The following MSL1 variants were observed in gnomAD, a reference collection of about 807,000 sequenced individuals.
MSL1 encodes the protein MSL complex subunit 1.
MSL1 carries 21 observed loss-of-function variants against 64.6 expected under a neutral mutation model. That is an observed-to-expected ratio of 0.33 (90% confidence interval 0.23 to 0.47). The LOEUF is 0.47. Ranked by LOEUF, MSL1 falls within the 20% of genes least tolerant of loss-of-function variation. MSL1 has a pLI of 1.00. For synonymous variants in MSL1, 339 were observed against 329.6 expected, an observed-to-expected ratio of 1.03 and a Z score of -0.31; for missense variants, 664 against 793.2, an observed-to-expected ratio of 0.84 and a Z score of 1.96.
In MSL1 at chr17:40,122,417, C is replaced by T. The variant is rs1333500025; in HGVS notation, c.-196C>T. ...CCATGGGCCGGCGGCGGGCCTCAGCCGCGGCCTCCACGTCTCCGCACGCCG... is the reference window on the plus strand; with the variant it reads ...CCATGGGCCGGCGGCGGGCCTCAGCTGCGGCCTCCACGTCTCCGCACGCCG... On this transcript the variant is annotated 5_prime_UTR_variant, in exon 1 of 9. Coordinates refer to ENST00000398532, the MANE Select transcript of MSL1 (RefSeq NM_001365919.1). The surrounding 1 kb of genome is among the most constrained non-coding windows in gnomAD (Gnocchi z 4.2). 5.4e-6 allele frequency: 2 copies of T among 369,726 alleles called. No homozygotes were observed. Among genetic ancestry groups the T allele is most frequent in the Non-Finnish European group, 9.6e-6 (2 of 209,322 alleles). 22.9% of individuals were successfully genotyped at this position (369,726 alleles called of 1,614,324 possible).
In MSL1 at chr17:40,122,643, G is replaced by A; in HGVS notation, c.31G>A (p.Ala11Thr). Residue 11 changes from alanine to threonine, a missense_variant, in exon 1 of 9, where the codon GCC (alanine) becomes ACC (threonine). Physicochemically the swap from Ala to Thr is moderately conservative, Grantham distance 58. This residue lies in a region of MSL1 where 466 missense variants were observed against 499.0 expected (regional missense o/e 0.93). Coordinates refer to ENST00000398532, the MANE Select transcript of MSL1 (RefSeq NM_001365919.1). The surrounding 1 kb of genome is among the most constrained non-coding windows in gnomAD (Gnocchi z 4.2). ...CATGAGATCCGCGGTGTTCAAGGCG[G>A]CCGCGGCCCCTGCCGGCGGCAATCC... Reference protein sequence around the residue: MTMRSAVFKAAAAPAGGNPEQ... With the variant: MTMRSAVFKATAAPAGGNPEQ... 1.3e-6 allele frequency: 2 copies of A among 1,490,898 alleles called. No homozygotes were observed. Among genetic ancestry groups the A allele is most frequent in the East Asian group, 2.9e-5 (1 of 34,630 alleles). The allele number at this position is 1,490,898 out of a possible 1,614,324, so 92.4% of individuals were successfully genotyped here.
intron 1 of MSL1, among the ~76,000 whole-genome samples, chr17:40,125,781 CAAAACA>C (rs1052221286): frequency 5.9e-5 from 9 of 152,106 alleles, no homozygotes; most frequent in South Asian, 2.1e-4. Context: ...AACTCCGTCT[CAAAACA>C]AAAACAAAAA....
In MSL1 at chr17:40,122,056, G is replaced by C. The variant is rs1038993848; in HGVS notation, c.-557G>C. 1.3e-5 allele frequency among the ~76,000 whole-genome samples: 2 copies of C among 151,628 alleles called. No individual in the cohort carries two copies. Among genetic ancestry groups the C allele is most frequent in the Admixed American group, 1.3e-4 (2 of 15,274 alleles). On this transcript the variant is annotated 5_prime_UTR_variant, in exon 1 of 9. Coordinates refer to ENST00000398532, the MANE Select transcript of MSL1 (RefSeq NM_001365919.1). This position sits in a 1 kb window ranked among gnomAD's most constrained non-coding sequence, Gnocchi z 4.2. ...AAAGGGAAACGCTGAGGCGCCGGGG[G>C]TGACTGTGGGGGAGGGGGACCCCGA... is the stretch of plus-strand genomic sequence containing the variant.
rs377003511 is a variant in MSL1, at chr17:40,131,623, G to T, written c.1423+39G>T. 65 of 1,585,768 alleles carry T rather than the reference G, an allele frequency of 4.1e-5. No homozygotes were observed. Among genetic ancestry groups the T allele is most frequent in the Admixed American group, 1.5e-4 (9 of 59,944 alleles). ...GAATTGTGCTGGCTGGGCCTGGGGTGGGGGTTGGTGGGATGGTGGATGGTT... is the reference window on the plus strand; with the variant it reads ...GAATTGTGCTGGCTGGGCCTGGGGTTGGGGTTGGTGGGATGGTGGATGGTT... On this transcript the variant is annotated intron_variant, in intron 4 of 8. Transcript: ENST00000398532. The surrounding 1 kb of genome is among the most constrained non-coding windows in gnomAD (Gnocchi z 4.5).
intron 2 of MSL1, among the ~76,000 whole-genome samples, chr17:40,127,383 C>CAT (rs1988344455): frequency 6.7e-6 from 1 of 150,136 alleles, no homozygotes; most frequent in South Asian, 2.1e-4. Context: ...TCCTTGGACT[C>CAT]AAAGAAATTA....
rs1988504284 is a variant in MSL1 at position 40,134,539 on chromosome 17, C to G, written c.*170C>G. 1.6e-6 allele frequency: 1 copy of G among 613,666 alleles called. No individual in the cohort carries two copies. The highest frequency in any genetic ancestry group is 2.8e-5 in the East Asian group (1 of 35,568). 38.0% of individuals were successfully genotyped at this position (613,666 alleles called of 1,614,324 possible). ...TACTCTGATTTCACAAAAACTCTTT[C>G]ATTCGGCTAATTGTGAGTTATGGAG... On this transcript the variant is annotated 3_prime_UTR_variant, in exon 9 of 9. Coordinates refer to ENST00000398532, the MANE Select transcript of MSL1 (RefSeq NM_001365919.1).
Position 40,122,346 on chromosome 17 carries a change from T to TGAGGCG in MSL1, c.-266_-261dup, listed in dbSNP as rs1988193841. The TGAGGCG allele has an allele frequency of 9.7e-6, 2 of 206,126 alleles. No individual in the cohort carries two copies. Among genetic ancestry groups the TGAGGCG allele is most frequent in the Admixed American group, 6.0e-5 (1 of 16,662 alleles). The allele number at this position is 206,126 out of a possible 1,614,324, so 12.8% of individuals were successfully genotyped here. A position where few individuals can be genotyped will look rare whatever the true frequency, so the allele number is the denominator to read the frequency against. On this transcript the variant is annotated 5_prime_UTR_variant, in exon 1 of 9. Transcript: ENST00000398532. The surrounding 1 kb of genome is among the most constrained non-coding windows in gnomAD (Gnocchi z 4.2). Reference sequence around the variant, plus strand: ...GCGGCTGGGTGCGAGCTCCTGCCTCTGAGGCGAAGGCGGCGGCGGCGGCAG... The same window carrying TGAGGCG: ...GCGGCTGGGTGCGAGCTCCTGCCTCTGAGGCGGAGGCGAAGGCGGCGGCGGCGGCAG...
chr17:40,123,986 A>C (rs1478174721), intron 1 of MSL1, among the ~76,000 whole-genome samples: 1 of 152,206 alleles, frequency 6.6e-6, no homozygotes, highest in Admixed American at 6.5e-5. Context: ...CCCACTGACC[A>C]GGTCCCTTTT....
rs775909472 is a variant in MSL1, at chr17:40,133,777, C to G, written c.1682-50C>G. ...TTTTGGAGCAGATATAGCTTCTAGACATTTCCCATCTGTATTACTAATACG... is the reference window on the plus strand; with the variant it reads ...TTTTGGAGCAGATATAGCTTCTAGAGATTTCCCATCTGTATTACTAATACG... On this transcript the variant is annotated intron_variant, in intron 7 of 8. Transcript: ENST00000398532. 3 of 1,610,286 alleles carry G rather than the reference C, an allele frequency of 1.9e-6. No individual in the cohort carries two copies. The East Asian group carries it at 6.7e-5, about 36-fold the overall frequency.
At chr17:40,126,499 ACTT>A in intron 2 of MSL1, 93 bp downstream of exon 2, 1 of 1,226,248 alleles carries the variant, frequency 8.2e-7, no homozygotes, top group South Asian at 1.3e-5. Flanking sequence ...AGCAATCATA[ACTT>A]GCTTTAGAAG....
chr17:40,130,532 C>T (rs1205328069), intron 3 of MSL1, among the ~76,000 whole-genome samples: 3 of 152,112 alleles, frequency 2.0e-5, no homozygotes, highest in Non-Finnish European at 4.4e-5. Flanking sequence ...AGGATAGAGC[C>T]GCAGTCCCAA....
chr17:40,133,491 G>A lies in MSL1; in HGVS notation c.1557-43G>A, dbSNP rs146915710. On this transcript the variant is annotated intron_variant, in intron 6 of 8. Coordinates refer to ENST00000398532, the MANE Select transcript of MSL1 (RefSeq NM_001365919.1). ...TTATAGAGCAGGTTTTGGGTAAACA[G>A]TAATGTTGGGTTTCTTTGTTTTGTT... 244 of 1,582,964 alleles carry A rather than the reference G, an allele frequency of 1.5e-4. No individual in the cohort carries two copies. The African/African-American group carries it at 3.1e-3, about 20-fold the overall frequency.
chr17:40,133,437 T>C, intron 6 of MSL1, 97 bp from the exon 7 acceptor site: 1 of 1,450,712 alleles, frequency 6.9e-7, no homozygotes, highest in Non-Finnish European at 9.2e-7. Flanking sequence ...GCAAGGGTCT[T>C]CCTAGCATCT....
chr17:40,131,456 G>A lies in MSL1; in HGVS notation c.1376-81G>A. The A allele has an allele frequency of 7.6e-7, 1 of 1,316,770 alleles. No homozygotes were observed. The highest frequency in any genetic ancestry group is 2.3e-5 in the East Asian group (1 of 43,498). 81.6% of individuals were successfully genotyped at this position (1,316,770 alleles called of 1,614,324 possible). ...AAATGGCTTCCTAGTGAGAACTTCA[G>A]TGATGATCCTTTCCTCCATTTGGGG... On this transcript the variant is annotated intron_variant, in intron 3 of 8. Coordinates refer to ENST00000398532, the MANE Select transcript of MSL1 (RefSeq NM_001365919.1). This position sits in a 1 kb window ranked among gnomAD's most constrained non-coding sequence, Gnocchi z 4.5.
chr17:40,129,727 A>C, intron 3 of MSL1, 100 bp downstream of exon 3: 2 of 1,268,874 alleles, frequency 1.6e-6, no homozygotes, highest in Non-Finnish European at 2.1e-6. Flanking sequence ...GCAATCAATA[A>C]AGCAGAGTTC....
chr17:40,125,138 A>G (rs1028831491), intron 1 of MSL1, among the ~76,000 whole-genome samples: 1 of 152,212 alleles, frequency 6.6e-6, no homozygotes, highest in East Asian at 1.9e-4. Context: ...AAACTAACAC[A>G]AAGTTTTCAA....
chr17:40,133,485 T>TAA (rs764323242), intron 6 of MSL1, 49 bp from the exon 7 acceptor site: 18 of 1,574,280 alleles, frequency 1.1e-5, no homozygotes, highest in Non-Finnish European at 1.5e-5. Context: ...AGGTTTTGGG[T>TAA]AAACAGTAAT....
intron 1 of MSL1, chr17:40,124,448 A>G (rs1034664659): frequency 2.6e-5 from 4 of 151,506 alleles, no homozygotes; most frequent in African/African-American, 9.7e-5. Context: ...CGTGTGCGCT[A>G]AGAGCTGAGC....
chr17:40,132,959 C>T (rs1163800916), intron 5 of MSL1, 83 bp from the exon 6 acceptor site: 26 of 1,348,322 alleles, frequency 1.9e-5, no homozygotes, highest in Middle Eastern at 1.8e-4. Context: ...ATTTTACGTT[C>T]CTGGAAGCTG....
Sources: gnomAD v4.1 joint callset for allele counts (sites outside exome capture counted in the v4.1 genomes callset) on GRCh38, gnomAD v4.1.1 for gene constraint, gnomAD v4.1.1 regional missense constraint, Gnocchi (gnomAD v3.1) non-coding constraint, MANE v1.5 for transcripts, NCBI Gene and HGNC (gene_info 2026-07-23, HGNC 2026-07-21) for gene names.